Variants in ERBB4 observed in about 807,000 individuals in gnomAD.
ERBB4 encodes erb-b2 receptor tyrosine kinase 4, also known as receptor tyrosine-protein kinase erbB-4.
A neutral mutation model predicts 158.0 loss-of-function variants in ERBB4; 42 were observed. The ratio of observed to expected loss-of-function variants is 0.27; its 90% CI spans 0.21 to 0.34. ERBB4 has a LOEUF of 0.34. Among genes scored for constraint, ERBB4 ranks in the 10% least tolerant of loss-of-function variants. ERBB4 has a pLI of 1.00. For missense variants in ERBB4, 1,333 were observed against 1,624.1 expected (o/e 0.82, Z 3.08); for synonymous variants, 583 against 558.7 (o/e 1.04, Z -0.61).
chr2:212,090,993 T>C (rs1385058462), intron 2 of ERBB4, among the ~76,000 whole-genome samples: 1 of 152,166 alleles, frequency 6.6e-6, no homozygotes, highest in Non-Finnish European at 1.5e-5. Context: ...CCTCACCCTT[T>C]TGGGGTGATT....
chr2:212,212,065 TGGGTATATACCCA>T (rs2082954741), intron 1 of ERBB4, among the ~76,000 whole-genome samples: 1 of 152,146 alleles, frequency 6.6e-6, no homozygotes, highest in Admixed American at 6.6e-5. Context: ...TGTATTCCTT[TGGGTATATACCCA>T]GTAATGGGAT....
intron 1 of ERBB4, among the ~76,000 whole-genome samples, chr2:212,490,986 T>C (rs1033547412): frequency 5.3e-5 from 8 of 151,708 alleles, no homozygotes; most frequent in African/African-American, 1.7e-4. Context: ...TCTAAACTGA[T>C]TTTTTTCAGT....
intron 1 of ERBB4, among the ~76,000 whole-genome samples, chr2:212,369,865 C>A (rs545081809): frequency 6.6e-6 from 1 of 152,002 alleles, no homozygotes; most frequent in Non-Finnish European, 1.5e-5. Flanking sequence ...CTGGAATATA[C>A]TAATTTCGTT....
Position 211,379,677 on chromosome 2 carries a change from C to A in ERBB4, c.*3938G>T, listed in dbSNP as rs554894415. 5 of 231,666 alleles carry A rather than the reference C, an allele frequency of 2.2e-5. No individual in the cohort carries two copies. The highest frequency in any genetic ancestry group is 4.4e-5 in the African/African-American group (2 of 45,336). 14.4% of individuals were successfully genotyped at this position (231,666 alleles called of 1,614,324 possible). ...CTAAATCTACATCTTATAGCATTATCGTGGTTCTGTCCAGTTATATACATG... is the reference window on the plus strand; with the variant it reads ...CTAAATCTACATCTTATAGCATTATAGTGGTTCTGTCCAGTTATATACATG... On this transcript the variant is annotated 3_prime_UTR_variant, in exon 28 of 28. Transcript: ENST00000342788.
At chr2:212,065,885 C>T (rs1403545874) in intron 2 of ERBB4, among the ~76,000 whole-genome samples, 1 of 151,786 alleles carries the variant, frequency 6.6e-6, no homozygotes, top group Non-Finnish European at 1.5e-5. Flanking sequence ...CTCAGTGAAG[C>T]GATGGTGAAG....
At chr2:211,754,433 G>A (rs1012072520) in intron 4 of ERBB4, among the ~76,000 whole-genome samples, 47 of 145,928 alleles carry the variant, frequency 3.2e-4, no homozygotes, top group South Asian at 2.2e-4. Flanking sequence ...ACAGAGTCTC[G>A]CTCTGTTGCA....
At chr2:211,960,062 G>T (rs2081140921) in intron 2 of ERBB4, among the ~76,000 whole-genome samples, 1 of 152,118 alleles carries the variant, frequency 6.6e-6, no homozygotes, top group African/African-American at 2.4e-5. Context: ...AATTGCCTAA[G>T]TTCTGAAAGG....
rs768289370 is a variant in ERBB4, at chr2:211,413,305, T to TAAAA, written c.3135+7132_3135+7135dup. Among the ~76,000 whole-genome samples, 13 of 56,944 alleles carry TAAAA rather than the reference T, an allele frequency of 2.3e-4. 1 individual carries two copies. The highest frequency in any genetic ancestry group is 7.0e-4 in the Admixed American group (4 of 5,712). 37.4% of individuals were successfully genotyped at this position (56,944 alleles called of 152,430 possible). On this transcript the variant is annotated intron_variant, in intron 25 of 27. Coordinates refer to ENST00000342788, the MANE Select transcript of ERBB4 (RefSeq NM_005235.3). ...TTGGGGACAGAGAGAGACCCTGTCT[T>TAAAA]AAAAACACACACACACACACACACA...
chr2:211,912,439 C>T (rs1317504068), intron 3 of ERBB4, among the ~76,000 whole-genome samples: 1 of 151,892 alleles, frequency 6.6e-6, no homozygotes, highest in Non-Finnish European at 1.5e-5. Context: ...TTGATTTAAT[C>T]ATACCATACT....
At chr2:212,048,833 A>G (rs1007097355) in intron 2 of ERBB4, among the ~76,000 whole-genome samples, 3 of 152,206 alleles carry the variant, frequency 2.0e-5, no homozygotes, top group Non-Finnish European at 2.9e-5. Flanking sequence ...ATCATTTAAG[A>G]CAAGTGTGTT....
intron 13 of ERBB4, 73 bp from the exon 14 acceptor site, chr2:211,673,330 T>C: frequency 2.9e-6 from 3 of 1,032,830 alleles, no homozygotes; most frequent in Non-Finnish European, 3.1e-6. Context: ...TAACATCTGC[T>C]AAAAGTCCTA....
intron 1 of ERBB4, among the ~76,000 whole-genome samples, chr2:212,511,609 A>AT (rs963745406): frequency 1.3e-5 from 2 of 151,754 alleles, no homozygotes; most frequent in African/African-American, 2.4e-5. Context: ...ATAGATACTT[A>AT]TTTTTTTTCA....
intron 2 of ERBB4, among the ~76,000 whole-genome samples, chr2:212,048,868 C>T (rs1275184203): frequency 6.6e-6 from 1 of 152,124 alleles, no homozygotes; most frequent in Non-Finnish European, 1.5e-5. Context: ...TCCCCTTAAG[C>T]ATTCGAACAT....
In ERBB4 at chr2:211,841,415, C is replaced by T. The variant is rs193010352; in HGVS notation, c.422-53256G>A. On this transcript the variant is annotated intron_variant, in intron 3 of 27. Coordinates refer to ENST00000342788, the MANE Select transcript of ERBB4 (RefSeq NM_005235.3). ...TCTGAAATATTGTGCCTGACAATAA[C>T]ATCATCATGAAATGCTTTAAGAAAG... is the stretch of plus-strand genomic sequence containing the variant. Among the ~76,000 whole-genome samples the T allele has an allele frequency of 2.1e-3, 315 of 152,106 alleles. 1 individual carries two copies. Among genetic ancestry groups the T allele is most frequent in the Non-Finnish European group, 3.1e-3 (211 of 67,912 alleles).
intron 2 of ERBB4, among the ~76,000 whole-genome samples, chr2:211,996,049 C>G (rs1014771845): frequency 3.3e-5 from 5 of 152,062 alleles, no homozygotes; most frequent in African/African-American, 1.2e-4. Context: ...TGATCTTTGC[C>G]TTGCAGTCCT....
chr2:211,514,491 A>G (rs979045404), intron 20 of ERBB4, among the ~76,000 whole-genome samples: 1 of 152,158 alleles, frequency 6.6e-6, no homozygotes, highest in Non-Finnish European at 1.5e-5. Flanking sequence ...AAAAAAATGA[A>G]AGAAGTTGCC....
chr2:212,444,482 T>G (rs906180259), intron 1 of ERBB4, among the ~76,000 whole-genome samples: 2 of 152,184 alleles, frequency 1.3e-5, no homozygotes, highest in African/African-American at 4.8e-5. Flanking sequence ...AAGAGGTATG[T>G]GGGTGGACCT....
chr2:211,756,118 G>C (rs1466181826), intron 4 of ERBB4, among the ~76,000 whole-genome samples: 7 of 152,150 alleles, frequency 4.6e-5, no homozygotes, highest in African/African-American at 1.7e-4. Flanking sequence ...TGGGTTCAGG[G>C]AGGGGGGATA....
chr2:212,389,666 T>C (rs2090790636), intron 1 of ERBB4, among the ~76,000 whole-genome samples: 1 of 152,064 alleles, frequency 6.6e-6, no homozygotes, highest in Admixed American at 6.6e-5. Flanking sequence ...ACGGAATTTG[T>C]GTTCTAGTGC....
Sources: allele counts gnomAD v4.1 joint callset (sites outside exome capture counted in the v4.1 genomes callset), GRCh38; gene constraint gnomAD v4.1.1; transcripts MANE v1.5; gene names NCBI Gene and HGNC (gene_info 2026-07-23, HGNC 2026-07-21).